Variants in CBARP observed in about 807,000 individuals in gnomAD.
The protein encoded by CBARP is CACN subunit beta associated regulatory protein.
A neutral mutation model predicts 36.3 loss-of-function variants in CBARP; 24 were observed. That is an observed-to-expected ratio of 0.66 (90% CI 0.48 to 0.93). CBARP has a LOEUF of 0.93. Ranked by LOEUF, CBARP falls within the 40% of genes least tolerant of loss-of-function variation. The pLI is 0.00. For synonymous variants in CBARP, 586 were observed against 453.2 expected, an observed-to-expected ratio of 1.29 and a Z score of -3.72; for missense variants, 1,146 against 980.4, an observed-to-expected ratio of 1.17 and a Z score of -2.26.
chr19:1,234,220 C>T lies in CBARP; in HGVS notation c.739G>A (p.Ala247Thr). 4 of 1,519,804 alleles carry T rather than the reference C, an allele frequency of 2.6e-6. No homozygotes were observed. Among genetic ancestry groups the T allele is most frequent in the Admixed American group, 4.6e-5 (2 of 43,642 alleles). 94.1% of individuals were successfully genotyped at this position (1,519,804 alleles called of 1,614,324 possible). Reference protein sequence around the residue: ...ATDFAEISPSASSDSGEGTSL... With the variant: ...ATDFAEISPSTSSDSGEGTSL... ...GTGCCTTCCCCAGAGTCGCTAGATG[C>T]CGAGGGGCTGATCTCTGCGAAGTCA... Residue 247 changes from alanine to threonine, a missense_variant, in exon 7 of 10, where the codon GCA (alanine) becomes ACA (threonine). Ala to Thr is a moderately conservative substitution (Grantham distance 58). Transcript: ENST00000650044.
chr19:1,237,350 T>G (rs1052089981), intron 1 of CBARP, among the ~76,000 whole-genome samples: 1 of 151,130 alleles, frequency 6.6e-6, no homozygotes, highest in Non-Finnish European at 1.5e-5. Flanking sequence ...CGCAGGATGG[T>G]GACCGGAGGC....
At chr19:1,238,485 A>G (rs1342395111), upstream of CBARP, 1 of 152,622 alleles carries the variant, frequency 6.6e-6, no homozygotes, top group Non-Finnish European at 1.5e-5. Flanking sequence ...CCCCGGCACA[A>G]AGCTGAGCAG....
chr19:1,229,997 A>G lies in CBARP; in HGVS notation c.1300T>C (p.Tyr434His), dbSNP rs1467221897. The G allele has an allele frequency of 8.1e-7, 1 of 1,232,290 alleles. No individual in the cohort carries two copies. Among genetic ancestry groups the G allele is most frequent in the Admixed American group, 2.8e-5 (1 of 35,248 alleles). 76.3% of individuals were successfully genotyped at this position (1,232,290 alleles called of 1,614,324 possible). A position where few individuals can be genotyped will look rare whatever the true frequency, so the allele number is the denominator to read the frequency against. ...GCGCGCAGGCTCCACAGGTCGCGGT[A>G]GCTGGTCTGGGCCTGCTCGGGGCCC... Reference protein sequence around the residue: ...DAGPEQAQTSYRDLWSLRASL... With the variant: ...DAGPEQAQTSHRDLWSLRASL... The change falls in exon 10 of 10, where the codon TAC becomes CAC. Residue 434 changes from tyrosine (Y) to histidine (H), a missense_variant. By Grantham distance (83) the Tyr-to-His change is moderately conservative. Coordinates refer to ENST00000650044, the MANE Select transcript of CBARP (RefSeq NM_001393918.1). The surrounding 1 kb of genome is among the most constrained non-coding windows in gnomAD (Gnocchi z 5.1).
rs757322688 is a variant in CBARP, at chr19:1,235,140, C to T, written c.316G>A (p.Asp106Asn). 9.5e-6 allele frequency: 15 copies of T among 1,579,422 alleles called. No homozygotes were observed. The highest frequency in any genetic ancestry group is 9.3e-5 in the East Asian group (4 of 42,926). The change falls in exon 5 of 10, where the codon GAC (aspartate) becomes AAC (asparagine). Residue 106 changes from aspartate to asparagine, a missense_variant. Asp to Asn is a conservative substitution (Grantham distance 23, BLOSUM62 1). Transcript: ENST00000650044. Reference protein sequence around the residue: ...DNGTHPAQDPDFRGEDPECQD... With the variant: ...DNGTHPAQDPNFRGEDPECQD... ...CACTCGGGGTCCTCTCCCCGGAAGT[C>T]GGGGTCTGCGTGGAGAGGCAGGAGA...
chr19:1,230,929 T>G, intron 9 of CBARP, 172 bp downstream of exon 9: 1 of 1,582,760 alleles, frequency 6.3e-7, no homozygotes, highest in Non-Finnish European at 8.6e-7. Flanking sequence ...CTCTGGTCCA[T>G]GCTGGAGAGG....
Position 1,229,591 on chromosome 19 carries a change from T to G in CBARP, c.1706A>C (p.His569Pro). The change falls in exon 10 of 10, where the codon CAC becomes CCC. Residue 569 changes from histidine to proline, a missense_variant. By Grantham distance (77) the His-to-Pro change is moderately conservative (BLOSUM62 -2). Coordinates refer to ENST00000650044, the MANE Select transcript of CBARP (RefSeq NM_001393918.1). The surrounding 1 kb of genome is among the most constrained non-coding windows in gnomAD (Gnocchi z 5.1). ...GGCGTGCGGGTGCGCGCGGGCGCGG[T>G]GTCGCGCGGCAGCCGGCGTGTCGTC... ...HFDDTPAAAR[H>P]RARAHPHARK... is the part of the protein sequence containing the mutation. The G allele has an allele frequency of 8.4e-7, 1 of 1,186,534 alleles. No individual in the cohort carries two copies. Among genetic ancestry groups the G allele is most frequent in the Non-Finnish European group, 1.1e-6 (1 of 941,658 alleles). The allele number at this position is 1,186,534 out of a possible 1,614,324, so 73.5% of individuals were successfully genotyped here.
At chr19:1,230,242 A>T in intron 9 of CBARP, 100 bp from the exon 10 acceptor site, 2 of 993,440 alleles carry the variant, frequency 2.0e-6, no homozygotes, top group Non-Finnish European at 2.4e-6. Context: ...CGCGGGTGGG[A>T]CTTGGGACTC....
In CBARP at chr19:1,229,944, C is replaced by A. The variant is rs745308625; in HGVS notation, c.1353G>T (p.Ser451=). Residue 451 remains serine (S), a synonymous_variant, in exon 10 of 10, where the codon TCG becomes TCT. Transcript: ENST00000650044. This position sits in a 1 kb window ranked among gnomAD's most constrained non-coding sequence, Gnocchi z 5.1. ...GGTCGTTGCCGCTGCTGCTGTGGTC[C>A]GAGGCGGCCGCATGCAGCTCAAGCG... ...RASLELHAAA[S]DHSSSGNDRD... 2 of 1,197,738 alleles carry A rather than the reference C, an allele frequency of 1.7e-6. No homozygotes were observed. Among genetic ancestry groups the A allele is most frequent in the Non-Finnish European group, 1.1e-6 (1 of 942,518 alleles). The allele number at this position is 1,197,738 out of a possible 1,614,324, so 74.2% of individuals were successfully genotyped here.
intron 9 of CBARP, chr19:1,230,749 C>T (rs921164868): frequency 3.0e-6 from 4 of 1,324,694 alleles, no homozygotes; most frequent in Admixed American, 3.5e-5. Context: ...GAGGAGTCTG[C>T]CCAGCCTTGG....
rs540172538 is a variant in CBARP, at chr19:1,237,242, G to T, written c.-22+514C>A. Among the ~76,000 whole-genome samples the T allele has an allele frequency of 6.1e-3, 935 of 152,364 alleles. 8 individuals are homozygous for T. The highest frequency in any genetic ancestry group is 0.016 in the South Asian group (76 of 4,832). Reference sequence around the variant, plus strand: ...GTCCCGGCGGGGGCTGGTGTCCTCAGCGCTCCCGGTCACAGGCTGCCCGGG... The same window carrying T: ...GTCCCGGCGGGGGCTGGTGTCCTCATCGCTCCCGGTCACAGGCTGCCCGGG... On this transcript the variant is annotated intron_variant, in intron 1 of 9. Transcript: ENST00000650044.
intron 9 of CBARP, chr19:1,230,652 CACCGACG>C (rs1171640578): frequency 3.9e-6 from 5 of 1,270,034 alleles, no homozygotes; most frequent in Non-Finnish European, 5.0e-6. Context: ...ATTCCCATCC[CACCGACG>C]TGGGCCCTGG....
chr19:1,230,849 C>A (rs112943778), intron 9 of CBARP: 1 of 1,494,062 alleles, frequency 6.7e-7, no homozygotes, highest in South Asian at 1.3e-5. Context: ...GCAGTACCAG[C>A]GCCATCCTCG....
chr19:1,230,671 C>T, intron 9 of CBARP: 1 of 1,280,664 alleles, frequency 7.8e-7, no homozygotes, highest in Non-Finnish European at 9.8e-7. Context: ...GGGCCCTGGG[C>T]TTCAGGGAAG....
At position 1,228,988 on chromosome 19, in the gene CBARP, G is replaced by C. The variant is rs1599936159; in HGVS notation, c.*191C>G. The C allele has an allele frequency of 6.6e-6, 1 of 150,410 alleles. No homozygotes were observed. The highest frequency in any genetic ancestry group is 1.4e-5 in the Non-Finnish European group (1 of 69,192). The allele number at this position is 150,410 out of a possible 1,614,324, so 9.3% of individuals were successfully genotyped here. ...AAAGAGCAGTGCACACTTCGGCGGC[G>C]CGAGGGCGGCCGGGGCTCTGCGCCT... On this transcript the variant is annotated 3_prime_UTR_variant, in exon 10 of 10. Transcript: ENST00000650044.
chr19:1,234,826 G>C (rs1191936764), intron 5 of CBARP, 84 bp from the exon 6 acceptor site: 2 of 1,538,576 alleles, frequency 1.3e-6, no homozygotes, highest in Non-Finnish European at 1.8e-6. Context: ...CACCCTGCCG[G>C]CCTGGGCAGG....
Position 1,235,865 on chromosome 19 carries a change from C to G in CBARP, c.159G>C (p.Ser53=). 2 of 1,612,088 alleles carry G rather than the reference C, an allele frequency of 1.2e-6. No individual in the cohort carries two copies. The highest frequency in any genetic ancestry group is 2.2e-5 in the South Asian group (2 of 91,088). ...CCACCAGCGTGCCCCCCACGAACAG[C>G]GACATCACCACCACCAGCAGCACGT... ...DNYVLLVVVM[S]LFVGGTLVVL... Residue 53 remains serine, a synonymous_variant, in exon 3 of 10, where the codon TCG becomes TCC. Coordinates refer to ENST00000650044, the MANE Select transcript of CBARP (RefSeq NM_001393918.1).
At chr19:1,235,359 C>T in intron 4 of CBARP, 142 bp downstream of exon 4, 1 of 1,119,262 alleles carries the variant, frequency 8.9e-7, no homozygotes, top group Non-Finnish European at 1.2e-6. Flanking sequence ...GTTAAGGAAA[C>T]AGAGATGAGT....
Position 1,233,411 on chromosome 19 carries a change from G to A in CBARP, c.979+15C>T, listed in dbSNP as rs546160580. 8 of 1,569,138 alleles carry A rather than the reference G, an allele frequency of 5.1e-6. No homozygotes were observed. The African/African-American group carries it at 5.4e-5, about 11-fold the overall frequency. ...GCCCACAGGGGCCCACTCTCCACCA[G>A]GTGCTACAGCTCACCTCTCGTGTCC... is the stretch of plus-strand genomic sequence containing the variant. On this transcript the variant is annotated intron_variant, in intron 8 of 9. Transcript: ENST00000650044.
At chr19:1,236,615 C>A (rs771594400) in intron 1 of CBARP, among the ~76,000 whole-genome samples, 1 of 152,008 alleles carries the variant, frequency 6.6e-6, no homozygotes, top group African/African-American at 2.4e-5. Context: ...AGAGGGAGAC[C>A]TCCCGCTGCC....
Sources: gnomAD v4.1 joint callset for allele counts (sites outside exome capture counted in the v4.1 genomes callset) on GRCh38, gnomAD v4.1.1 for gene constraint, Gnocchi (gnomAD v3.1) non-coding constraint, MANE v1.5 for transcripts, NCBI Gene and HGNC (gene_info 2026-07-23, HGNC 2026-07-21) for gene names.